The following EPB41L1 variants were observed in gnomAD, a reference collection of about 807,000 sequenced individuals.
The protein encoded by EPB41L1 is band 4.1-like protein 1.
In EPB41L1, 29 loss-of-function variants were observed where a neutral mutation model predicts 97.8. That is an observed-to-expected ratio of 0.30 (90% CI 0.22 to 0.40). The LOEUF (loss-of-function observed/expected upper bound fraction) is 0.40, where lower values mean the gene tolerates loss of function less well. EPB41L1 is among the 10% of genes least tolerant of loss of function. The probability of loss-of-function intolerance (pLI) is 1.00; values close to 1 mark genes in which losing one functional copy is unlikely to be tolerated. For missense variants in EPB41L1, 812 were observed against 1,162.3 expected (o/e 0.70, Z 4.38); for synonymous variants, 383 against 459.2 (o/e 0.83, Z 2.12).
At chr20:36,205,083 C>T (rs1043367375) in intron 14 of EPB41L1, among the ~76,000 whole-genome samples, 3 of 152,140 alleles carry the variant, frequency 2.0e-5, no homozygotes, top group Non-Finnish European at 4.4e-5. Flanking sequence ...TTAGATTGAA[C>T]ACCACAGTGT....
Position 36,185,083 on chromosome 20 carries a change from C to T in EPB41L1, c.567-34C>T, listed in dbSNP as rs570723490. 3 of 1,601,174 alleles carry T rather than the reference C, an allele frequency of 1.9e-6. No homozygotes were observed. In the South Asian group the frequency reaches 3.3e-5, roughly 18 times the overall value. On this transcript the variant is annotated intron_variant, in intron 6 of 21. Coordinates refer to ENST00000338074, the MANE Select transcript of EPB41L1 (RefSeq NM_012156.2). ...TTGGGGGATCTAGGGAGGAGTAGGGCCCTGTGCCCATGCTGGCTCTCCCCT... is the reference window on the plus strand; with the variant it reads ...TTGGGGGATCTAGGGAGGAGTAGGGTCCTGTGCCCATGCTGGCTCTCCCCT...
chr20:36,208,523 G>A (rs1215930462), intron 14 of EPB41L1: 9 of 258,066 alleles, frequency 3.5e-5, no homozygotes, highest in South Asian at 1.4e-4. Context: ...CTCAACTCTG[G>A]CTTGTCTGGA....
intron 1 of EPB41L1, among the ~76,000 whole-genome samples, chr20:36,095,691 A>G (rs1316372588): frequency 2.0e-5 from 3 of 152,190 alleles, no homozygotes; most frequent in Non-Finnish European, 2.9e-5. Flanking sequence ...ACTCTAGTCT[A>G]GAGCTGTGGT....
chr20:36,197,387 A>G (rs984283578), intron 13 of EPB41L1, among the ~76,000 whole-genome samples: 10 of 152,318 alleles, frequency 6.6e-5, no homozygotes, highest in Admixed American at 6.5e-4. Flanking sequence ...TCCAGGAGGG[A>G]TCTAGGAGGC....
Position 36,190,449 on chromosome 20 carries a change from TAGTG to T in EPB41L1, c.1124+78_1124+81del. ...TATGGAGGGGAGCAGGGGGAGGAGT[TAGTG>T]AGAACTCTAGGAAAGTCCTCCACCC... On this transcript the variant is annotated intron_variant, in intron 10 of 21. Transcript: ENST00000338074. This position sits in a 1 kb window ranked among gnomAD's most constrained non-coding sequence, Gnocchi z 5.8. 6.5e-7 allele frequency: 1 copy of T among 1,549,860 alleles called. No individual in the cohort carries two copies. Among genetic ancestry groups the T allele is most frequent in the Admixed American group, 1.8e-5 (1 of 56,200 alleles).
intron 17 of EPB41L1, among the ~76,000 whole-genome samples, chr20:36,217,239 T>C (rs2063501091): frequency 6.6e-6 from 1 of 152,178 alleles, no homozygotes; most frequent in Admixed American, 6.5e-5. Context: ...ACACAACTGG[T>C]TTTAAAGGCC....
chr20:36,133,797 G>T (rs1600492668), intron 2 of EPB41L1, among the ~76,000 whole-genome samples: 1 of 150,832 alleles, frequency 6.6e-6, no homozygotes, highest in South Asian at 2.1e-4. Context: ...GTTGAGGCTT[G>T]CAGTGAGCCG....
rs79220287 is a variant in EPB41L1, at chr20:36,167,887, G to A, written c.-14-5877G>A. 8.2e-3 allele frequency among the ~76,000 whole-genome samples: 1,244 copies of A among 152,154 alleles called. 21 individuals are homozygous for A. Among genetic ancestry groups the A allele is most frequent in the African/African-American group, 0.029 (1,189 of 41,500 alleles). On this transcript the variant is annotated intron_variant, in intron 1 of 21. Transcript: ENST00000338074. ...GGGCAGCCCCTGGAACAAGCTGATA[G>A]TGGCTTAGATTTAGGCAGTTGCAAT...
intron 2 of EPB41L1, among the ~76,000 whole-genome samples, chr20:36,135,816 G>C (rs941394486): frequency 6.6e-6 from 1 of 152,186 alleles, no homozygotes; most frequent in African/African-American, 2.4e-5. Context: ...ATTCTGGAAA[G>C]GGGAAGGGGT....
At chr20:36,161,567 C>A (rs529658827) in intron 1 of EPB41L1, among the ~76,000 whole-genome samples, 1 of 151,982 alleles carries the variant, frequency 6.6e-6, no homozygotes, top group African/African-American at 2.4e-5. Flanking sequence ...CCTCCGCCTC[C>A]CCGGTTCAAG....
At chr20:36,102,036 C>CA (rs113984063) in intron 1 of EPB41L1, among the ~76,000 whole-genome samples, 75 of 148,830 alleles carry the variant, frequency 5.0e-4, no homozygotes, top group South Asian at 3.7e-3. Flanking sequence ...CAAAACAAAA[C>CA]AAAAAAAACA....
chr20:36,092,558 C>A lies in EPB41L1; in HGVS notation c.-65+946C>A, dbSNP rs1393810159. The A allele has an allele frequency of 6.6e-6, 1 of 151,946 alleles. No individual in the cohort carries two copies. Among genetic ancestry groups the A allele is most frequent in the African/African-American group, 2.4e-5 (1 of 41,386 alleles). 9.4% of individuals were successfully genotyped at this position (151,946 alleles called of 1,614,324 possible). On this transcript the variant is annotated intron_variant, in intron 1 of 19. Coordinates refer to the EPB41L1 transcript ENST00000202028. The surrounding 1 kb of genome is among the most constrained non-coding windows in gnomAD (Gnocchi z 7.0). ...GCCGCTGCTTGCTCGTTCGCCCGCC[C>A]GCTGCTGCTTGGGGGGCCGGGATCG...
chr20:36,143,758 A>G (rs1248386880), intron 2 of EPB41L1, among the ~76,000 whole-genome samples: 1 of 152,090 alleles, frequency 6.6e-6, no homozygotes, highest in East Asian at 1.9e-4. Context: ...GTGCATACCC[A>G]TGTACATTTT....
intron 5 of EPB41L1, among the ~76,000 whole-genome samples, chr20:36,179,866 C>CCG (rs2061406791): frequency 6.6e-6 from 1 of 152,172 alleles, no homozygotes; most frequent in Non-Finnish European, 1.5e-5. Context: ...GTGCACTCCT[C>CCG]GGGGGGCTGA....
chr20:36,173,553 G>A (rs1465281738), intron 1 of EPB41L1, among the ~76,000 whole-genome samples: 1 of 152,146 alleles, frequency 6.6e-6, no homozygotes, highest in East Asian at 1.9e-4. Context: ...CAGGGTGGGA[G>A]GGGTGCCTGT....
intron 1 of EPB41L1, among the ~76,000 whole-genome samples, chr20:36,101,367 C>G (rs79674584): frequency 0.021 from 3,166 of 152,222 alleles, 115 homozygotes; most frequent in African/African-American, 0.073. Flanking sequence ...TGGTCTCAGA[C>G]TGTCACTCAG....
chr20:36,190,486 A>C lies in EPB41L1; in HGVS notation c.1124+112A>C. 6.6e-7 allele frequency: 1 copy of C among 1,524,144 alleles called. No individual in the cohort carries two copies. The highest frequency in any genetic ancestry group is 1.2e-5 in the South Asian group (1 of 86,570). The allele number at this position is 1,524,144 out of a possible 1,614,324, so 94.4% of individuals were successfully genotyped here. A position where few individuals can be genotyped will look rare whatever the true frequency, so the allele number is the denominator to read the frequency against. ...TAGGAAAGTCCTCCACCCTTTCCCC[A>C]AGTCCCTCCCTTCCTGGACCACTTT... On this transcript the variant is annotated intron_variant, in intron 10 of 21. Transcript: ENST00000338074. This position sits in a 1 kb window ranked among gnomAD's most constrained non-coding sequence, Gnocchi z 5.8.
chr20:36,111,786 CAA>C (rs397731410), intron 1 of EPB41L1, among the ~76,000 whole-genome samples: 19 of 90,186 alleles, frequency 2.1e-4, no homozygotes, highest in South Asian at 4.1e-4. Flanking sequence ...GACTCTGTCT[CAA>C]AAAAAAAAAA....
Position 36,190,374 on chromosome 20 carries a change from G to C in EPB41L1, c.1124G>C (p.Arg375Pro). The C allele has an allele frequency of 6.2e-7, 1 of 1,613,866 alleles. No individual in the cohort carries two copies. Among genetic ancestry groups the C allele is most frequent in the Non-Finnish European group, 8.5e-7 (1 of 1,179,924 alleles). Residue 375 changes from arginine to proline, a missense_variant and splice_region_variant, in exon 10 of 22, where the codon CGG (arginine) becomes CCG (proline). Physicochemically the swap from Arg to Pro is moderately radical, Grantham distance 103. Around this residue, in one of 3 missense-constraint regions of EPB41L1, gnomAD observed 230 missense variants for 445.2 expected, o/e 0.52. Transcript: ENST00000338074. This position sits in a 1 kb window ranked among gnomAD's most constrained non-coding sequence, Gnocchi z 5.8. ...TGCATCGAGCATCATACATTCTTCC[G>C]GTGAGCCTGACCTTGGATGGGGTAA... The part of the protein sequence containing the change: ...KVCIEHHTFF[R>P]LVSPEPPPKG...
Sources: gnomAD v4.1 joint callset for allele counts (sites outside exome capture counted in the v4.1 genomes callset) on GRCh38, gnomAD v4.1.1 for gene constraint, gnomAD v4.1.1 regional missense constraint, Gnocchi (gnomAD v3.1) non-coding constraint, MANE v1.5 for transcripts, NCBI Gene and HGNC (gene_info 2026-07-23, HGNC 2026-07-21) for gene names.